Variants in C2CD2 observed in about 807,000 individuals in gnomAD.
C2CD2 encodes the protein C2 domain-containing protein 2.
C2CD2 carries 43 observed loss-of-function variants against 74.3 expected under a neutral mutation model. The observed-to-expected ratio is 0.58, with a 90% CI of 0.45 to 0.75. The LOEUF is 0.75. Among genes scored for constraint, C2CD2 ranks in the 30% least tolerant of loss-of-function variants. C2CD2 has a pLI of 0.00. For synonymous variants in C2CD2, 422 were observed against 390.7 expected (o/e 1.08, Z -0.94); for missense variants, 801 against 916.3 (o/e 0.87, Z 1.63).
Position 41,914,643 on chromosome 21 carries a change from C to A in C2CD2, c.799G>T (p.Val267Leu). Reference sequence around the variant, plus strand: ...AGCAGCAAGACGTGGATGTTCCTCACCAGTAGCTTCAGCTCGTGAGCCCTT... The same window carrying A: ...AGCAGCAAGACGTGGATGTTCCTCAACAGTAGCTTCAGCTCGTGAGCCCTT... ...PPRAHELKLL[V>L]RNIHVLLLSE... Residue 267 changes from valine to leucine, a missense_variant, in exon 6 of 14, where the codon GTG becomes TTG. Coordinates refer to ENST00000380486, the MANE Select transcript of C2CD2 (RefSeq NM_015500.2). 6.2e-7 allele frequency: 1 copy of A among 1,613,970 alleles called. No individual in the cohort carries two copies. The highest frequency in any genetic ancestry group is 8.5e-7 in the Non-Finnish European group (1 of 1,179,860).
rs1375017791 is a variant in C2CD2 at position 41,886,458 on chromosome 21, G to C, written c.*2666C>G. 1.3e-5 allele frequency: 2 copies of C among 152,138 alleles called. No individual in the cohort carries two copies. The highest frequency in any genetic ancestry group is 4.8e-5 in the African/African-American group (2 of 41,402). 9.4% of individuals were successfully genotyped at this position (152,138 alleles called of 1,614,324 possible). On this transcript the variant is annotated 3_prime_UTR_variant, in exon 14 of 14. Transcript: ENST00000380486. ...GTATCAATACAGCCCATTTCTCACG[G>C]TGCTACCCTGAAGCTAGCCGACGTG...
At chr21:41,920,987 C>T (rs947402352) in intron 3 of C2CD2, among the ~76,000 whole-genome samples, 3 of 152,220 alleles carry the variant, frequency 2.0e-5, no homozygotes, top group East Asian at 1.9e-4. Context: ...CACAAATCCA[C>T]GATGCCAACT....
In C2CD2 at chr21:41,901,640, G is replaced by A; in HGVS notation, c.1542C>T (p.Ile514=). The change falls in exon 12 of 14, where the codon ATC becomes ATT. Residue 514 remains isoleucine (I), a synonymous_variant. Coordinates refer to ENST00000380486, the MANE Select transcript of C2CD2 (RefSeq NM_015500.2). ...ATGGTACCTTGGAGATCCCTGATAT[G>A]ATAATAGTGCTTTTCTTCCGTGGCG... ...LKSPRKKSTI[I]ISGISKTSLS... is the part of the protein sequence containing the mutation. The A allele has an allele frequency of 6.2e-7, 1 of 1,614,156 alleles. No homozygotes were observed.
chr21:41,935,057 A>G (rs2065295297), intron 2 of C2CD2, among the ~76,000 whole-genome samples: 1 of 152,064 alleles, frequency 6.6e-6, no homozygotes, highest in Non-Finnish European at 1.5e-5. Flanking sequence ...ATGCTCGGCT[A>G]ATTTTTGTAT....
In C2CD2 at chr21:41,912,504, T is replaced by A. The variant is rs1337028176; in HGVS notation, c.845-64A>T. 1.4e-4 allele frequency: 113 copies of A among 809,864 alleles called. 1 individual carries two copies. Among genetic ancestry groups the A allele is most frequent in the South Asian group, 3.6e-4 (11 of 30,952 alleles). 50.2% of individuals were successfully genotyped at this position (809,864 alleles called of 1,614,324 possible). A position where few individuals can be genotyped will look rare whatever the true frequency, so the allele number is the denominator to read the frequency against. On this transcript the variant is annotated intron_variant, in intron 6 of 13. Transcript: ENST00000380486. ...TTTATTATTTATTTATTTTTTTTTT[T>A]TTTTGAGACAGAGTCTCGCTCTGTC...
chr21:41,885,510 C>T lies in C2CD2; in HGVS notation c.*3614G>A, dbSNP rs10368. ...AACCTGAGTTTGCTCTGCAGGATTC[C>T]GCGGGGGCCTTGCCCTGTGCAGGCT... is the stretch of plus-strand genomic sequence containing the variant. On this transcript the variant is annotated 3_prime_UTR_variant, in exon 14 of 14. Coordinates refer to ENST00000380486, the MANE Select transcript of C2CD2 (RefSeq NM_015500.2). The T allele has an allele frequency of 0.2, 30,682 of 152,630 alleles. 3,648 individuals carry two copies. The highest frequency in any genetic ancestry group is 0.27 in the Non-Finnish European group (18,371 of 68,008). 9.5% of individuals were successfully genotyped at this position (152,630 alleles called of 1,614,324 possible). A position where few individuals can be genotyped will look rare whatever the true frequency, so the allele number is the denominator to read the frequency against.
intron 3 of C2CD2, among the ~76,000 whole-genome samples, chr21:41,919,978 C>T (rs540861238): frequency 6.6e-6 from 1 of 152,246 alleles, no homozygotes; most frequent in South Asian, 2.1e-4. Context: ...GGGCATGTGA[C>T]GTGAGGACTG....
rs565164092 is a variant in C2CD2, at chr21:41,930,658, C to A, written c.379-8573G>T. Among the ~76,000 whole-genome samples the A allele has an allele frequency of 2.7e-5, 4 of 149,036 alleles. No homozygotes were observed. In the Admixed American group the frequency reaches 2.7e-4, roughly 10 times the overall value. ...CGGAGGTTGCAGTAAGCCAAGATTGCGCCACTGCACTCCAGCCTGGGCAAG... is the reference window on the plus strand; with the variant it reads ...CGGAGGTTGCAGTAAGCCAAGATTGAGCCACTGCACTCCAGCCTGGGCAAG... On this transcript the variant is annotated intron_variant, in intron 2 of 13. Coordinates refer to ENST00000380486, the MANE Select transcript of C2CD2 (RefSeq NM_015500.2).
intron 12 of C2CD2, chr21:41,901,332 C>T (rs191982491): frequency 2.1e-4 from 100 of 474,056 alleles, no homozygotes; most frequent in Admixed American, 1.0e-3. Context: ...GGGAGTCTTA[C>T]ATCATGTTCC....
At chr21:41,894,759 G>A (rs141706882) in intron 13 of C2CD2, 11 of 456,612 alleles carry the variant, frequency 2.4e-5, no homozygotes, top group Admixed American at 1.4e-4. Flanking sequence ...AGCCTGTTTC[G>A]ACTTGGAAGC....
intron 1 of C2CD2, among the ~76,000 whole-genome samples, chr21:41,949,849 G>A (rs2065435770): frequency 1.3e-5 from 2 of 152,208 alleles, no homozygotes; most frequent in Admixed American, 1.3e-4. Flanking sequence ...GGACATGGAT[G>A]AAGCTGAAAA....
chr21:41,896,976 C>T (rs1040004600), intron 13 of C2CD2, among the ~76,000 whole-genome samples: 3 of 152,338 alleles, frequency 2.0e-5, no homozygotes, highest in African/African-American at 4.8e-5. Flanking sequence ...ACGCACGGCA[C>T]GGCTGAGCCT....
rs1054400044 is a variant in C2CD2, at chr21:41,903,876, G to T, written c.1432+1848C>A. 6.6e-6 allele frequency among the ~76,000 whole-genome samples: 1 copy of T among 152,174 alleles called. No individual in the cohort carries two copies. Among genetic ancestry groups the T allele is most frequent in the African/African-American group, 2.4e-5 (1 of 41,446 alleles). Reference sequence around the variant, plus strand: ...CCACGTGACAGGACCCCGCAGCATGGGCAGTGGGGGCACTGCCAGGGGAAG... The same window carrying T: ...CCACGTGACAGGACCCCGCAGCATGTGCAGTGGGGGCACTGCCAGGGGAAG... On this transcript the variant is annotated intron_variant, in intron 11 of 13. Coordinates refer to ENST00000380486, the MANE Select transcript of C2CD2 (RefSeq NM_015500.2). This position sits in a 1 kb window ranked among gnomAD's most constrained non-coding sequence, Gnocchi z 4.5.
intron 3 of C2CD2, 116 bp from the exon 4 acceptor site, chr21:41,919,076 G>T: frequency 1.4e-6 from 1 of 739,632 alleles, no homozygotes; most frequent in Non-Finnish European, 2.4e-6. Flanking sequence ...GTGAGCATGT[G>T]TCTATGTGAG....
chr21:41,919,860 G>A (rs991540078), intron 3 of C2CD2, among the ~76,000 whole-genome samples: 10 of 152,198 alleles, frequency 6.6e-5, no homozygotes, highest in African/African-American at 1.2e-4. Context: ...TGGCAGGTGC[G>A]ACAGGGAGAG....
At chr21:41,952,991 G>C (rs962842736) in intron 1 of C2CD2, 1 of 221,352 alleles carries the variant, frequency 4.5e-6, no homozygotes. Flanking sequence ...TGGGGTCACA[G>C]CTATTCATGT....
intron 2 of C2CD2, among the ~76,000 whole-genome samples, chr21:41,930,456 A>T (rs1277821280): frequency 6.7e-6 from 1 of 150,300 alleles, no homozygotes; most frequent in Non-Finnish European, 1.5e-5. Flanking sequence ...TTATCCTAGC[A>T]CTTTGGGAAG....
intron 2 of C2CD2, among the ~76,000 whole-genome samples, chr21:41,934,086 A>T (rs1357990031): frequency 6.6e-6 from 1 of 152,118 alleles, no homozygotes; most frequent in Admixed American, 6.5e-5. Flanking sequence ...TTAACTTTTT[A>T]ATGACCATGA....
In C2CD2 at chr21:41,930,011, G is replaced by A. The variant is rs573430459; in HGVS notation, c.379-7926C>T. Among the ~76,000 whole-genome samples, 3 of 151,300 alleles carry A rather than the reference G, an allele frequency of 2.0e-5. No individual in the cohort carries two copies. The South Asian group carries it at 6.3e-4, about 32-fold the overall frequency. ...TTGGCATGAATGTCATGAAAGGGAG[G>A]AAGCGAGCAGGTGAGGGTTCACCTA... On this transcript the variant is annotated intron_variant, in intron 2 of 13. Coordinates refer to ENST00000380486, the MANE Select transcript of C2CD2 (RefSeq NM_015500.2).
Sources: gnomAD v4.1 joint callset for allele counts (sites outside exome capture counted in the v4.1 genomes callset) on GRCh38, gnomAD v4.1.1 for gene constraint, Gnocchi (gnomAD v3.1) non-coding constraint, MANE v1.5 for transcripts, NCBI Gene and HGNC (gene_info 2026-07-23, HGNC 2026-07-21) for gene names.